Variants in ADGRL4 observed in about 807,000 individuals in gnomAD.
ADGRL4 encodes EGF, latrophilin and seven transmembrane domain containing 1.
ADGRL4 carries 90 observed loss-of-function variants against 74.8 expected under a neutral mutation model. The observed-to-expected ratio is 1.20, with a 90% confidence interval of 1.02 to 1.43. The LOEUF (loss-of-function observed/expected upper bound fraction) is 1.43, where lower values mean the gene tolerates loss of function less well. Ranked by LOEUF, ADGRL4 falls within the 40% of genes most tolerant of loss-of-function variation. The probability of loss-of-function intolerance (pLI) is 0.00; values close to 1 mark genes in which losing one functional copy is unlikely to be tolerated. For synonymous variants in ADGRL4, 311 were observed against 279.2 expected (o/e 1.11, Z -1.14); for missense variants, 881 against 814.3 (o/e 1.08, Z -1.00).
chr1:78,979,374 G>A (rs10747359), intron 2 of ADGRL4, among the ~76,000 whole-genome samples: 150,252 of 152,056 alleles, frequency 0.99, 74,267 homozygotes, highest in Middle Eastern at 1. Context: ...CCTGTAGTCA[G>A]TATTTCAAAC....
In ADGRL4 at chr1:78,920,193, T is replaced by C. The variant is rs751140928; in HGVS notation, c.1451A>G (p.Asn484Ser). 64 of 1,610,550 alleles carry C rather than the reference T, an allele frequency of 4.0e-5. No individual in the cohort carries two copies. The highest frequency in any genetic ancestry group is 5.3e-5 in the Non-Finnish European group (62 of 1,178,136). ...ELVFLVGINT[N>S]TNKLFCSIIA... ...AGGATGCCTACATACCTTATTAGTA[T>C]TTGTATTGATCCCAACAAGAAAAAC... Residue 484 changes from asparagine (N) to serine (S), a missense_variant, in exon 10 of 15, where the codon AAT becomes AGT. Coordinates refer to ENST00000370742, the MANE Select transcript of ADGRL4 (RefSeq NM_022159.4).
At chr1:79,003,986 G>T (rs1650895669) in intron 2 of ADGRL4, among the ~76,000 whole-genome samples, 1 of 151,890 alleles carries the variant, frequency 6.6e-6, no homozygotes, top group Admixed American at 6.6e-5. Context: ...CTGTAGCTTT[G>T]CTGTACATTT....
intron 12 of ADGRL4, among the ~76,000 whole-genome samples, 183 bp downstream of exon 12, chr1:78,917,451 T>G (rs1314890383): frequency 6.6e-6 from 1 of 151,034 alleles, no homozygotes; most frequent in Non-Finnish European, 1.5e-5. Flanking sequence ...GTATAAAAGC[T>G]ATACATGATT....
chr1:78,931,857 G>T (rs1041546188), intron 7 of ADGRL4, among the ~76,000 whole-genome samples: 1 of 151,260 alleles, frequency 6.6e-6, no homozygotes, highest in Non-Finnish European at 1.5e-5. Context: ...AATGGTAAAG[G>T]GATCAAGTCA....
chr1:78,904,762 C>A (rs2100657861), intron 12 of ADGRL4, among the ~76,000 whole-genome samples: 1 of 152,144 alleles, frequency 6.6e-6, no homozygotes, highest in East Asian at 1.9e-4. Context: ...TTGTGTCTTA[C>A]TTTCCTTGCG....
chr1:78,986,491 G>A (rs1384067864), intron 2 of ADGRL4, among the ~76,000 whole-genome samples: 8 of 151,662 alleles, frequency 5.3e-5, no homozygotes, highest in Non-Finnish European at 1.0e-4. Flanking sequence ...TTGGTACATA[G>A]ACACAGCTAC....
At chr1:78,961,136 C>A (rs1301977722) in intron 2 of ADGRL4, among the ~76,000 whole-genome samples, 1 of 151,394 alleles carries the variant, frequency 6.6e-6, no homozygotes, top group Non-Finnish European at 1.5e-5. Context: ...GGCTGAAGTG[C>A]AGTTGTGCGA....
At chr1:78,941,723 T>C (rs1476658570) in intron 3 of ADGRL4, among the ~76,000 whole-genome samples, 2 of 151,244 alleles carry the variant, frequency 1.3e-5, no homozygotes, top group African/African-American at 2.4e-5. Flanking sequence ...AATGTGCCTG[T>C]CATTTTGCAG....
At chr1:78,946,501 G>T in intron 2 of ADGRL4, 75 bp from the exon 3 acceptor site, 1 of 1,277,592 alleles carries the variant, frequency 7.8e-7, no homozygotes, top group South Asian at 1.5e-5. Context: ...TCAGTATTTT[G>T]GAATATTGAC....
chr1:78,899,721 T>C (rs1052885375), intron 12 of ADGRL4, among the ~76,000 whole-genome samples: 5 of 152,266 alleles, frequency 3.3e-5, no homozygotes, highest in East Asian at 1.9e-4. Context: ...ATGAGTTAAA[T>C]TGGAATCAAA....
chr1:78,903,301 A>T (rs769359544), intron 12 of ADGRL4, among the ~76,000 whole-genome samples: 4 of 152,168 alleles, frequency 2.6e-5, no homozygotes, highest in Non-Finnish European at 4.4e-5. Context: ...AAGACTTAAG[A>T]TGTCTCCAAG....
At chr1:78,960,399 T>C (rs893005632) in intron 2 of ADGRL4, among the ~76,000 whole-genome samples, 13 of 152,100 alleles carry the variant, frequency 8.5e-5, no homozygotes, top group Admixed American at 4.6e-4. Flanking sequence ...CTTTAGAACA[T>C]ACCATAAATT....
Position 78,892,921 on chromosome 1 carries a change from G to A in ADGRL4, c.1841+177C>T, listed in dbSNP as rs1648314486. On this transcript the variant is annotated intron_variant, in intron 13 of 14. Coordinates refer to ENST00000370742, the MANE Select transcript of ADGRL4 (RefSeq NM_022159.4). ...AAAATTGCTTCTTACCACTGAATCT[G>A]CAGTAATTGTAGTCTTAATATACAT... is the stretch of plus-strand genomic sequence containing the variant. Among the ~76,000 whole-genome samples, 5 of 151,882 alleles carry A rather than the reference G, an allele frequency of 3.3e-5. No individual in the cohort carries two copies. In the South Asian group the frequency reaches 1.0e-3, roughly 32 times the overall value.
At chr1:78,963,609 A>T (rs1008928801) in intron 2 of ADGRL4, among the ~76,000 whole-genome samples, 14 of 152,204 alleles carry the variant, frequency 9.2e-5, no homozygotes, top group African/African-American at 3.1e-4. Flanking sequence ...TTTATATTTT[A>T]AGACAAATAT....
intron 12 of ADGRL4, among the ~76,000 whole-genome samples, chr1:78,915,095 T>C (rs1648844014): frequency 6.6e-6 from 1 of 151,962 alleles, no homozygotes; most frequent in African/African-American, 2.4e-5. Context: ...CTGCAACTTC[T>C]TTCCATTTCT....
intron 2 of ADGRL4, among the ~76,000 whole-genome samples, chr1:78,966,430 A>G (rs1650057753): frequency 6.6e-6 from 1 of 152,216 alleles, no homozygotes; most frequent in Admixed American, 6.5e-5. Flanking sequence ...AGAAAGTCCT[A>G]CAACAGCTTT....
intron 3 of ADGRL4, among the ~76,000 whole-genome samples, chr1:78,943,512 T>C (rs2100693265): frequency 6.6e-6 from 1 of 152,324 alleles, no homozygotes; most frequent in South Asian, 2.1e-4. Context: ...AGGTAAAGAA[T>C]TTTGCTTGGA....
At chr1:78,986,608 C>G (rs2100730443) in intron 2 of ADGRL4, among the ~76,000 whole-genome samples, 1 of 151,546 alleles carries the variant, frequency 6.6e-6, no homozygotes, top group South Asian at 2.1e-4. Flanking sequence ...GAGACTCTAT[C>G]TCAATAAATA....
intron 2 of ADGRL4, among the ~76,000 whole-genome samples, chr1:78,965,602 T>C (rs1650039391): frequency 1.3e-5 from 2 of 152,200 alleles, no homozygotes; most frequent in African/African-American, 4.8e-5. Flanking sequence ...TATCTGGATA[T>C]AACAAGAGAT....
Sources: gnomAD v4.1 joint callset for allele counts (sites outside exome capture counted in the v4.1 genomes callset) on GRCh38, gnomAD v4.1.1 for gene constraint, MANE v1.5 for transcripts, NCBI Gene and HGNC (gene_info 2026-07-23, HGNC 2026-07-21) for gene names.